Variants in BLTP1 observed in about 807,000 individuals in gnomAD.
BLTP1 encodes the protein bridge-like lipid transfer protein family member 1.
the BLTP1 span, chr4:122,232,164 G>C: frequency 2.1e-6 from 2 of 963,300 alleles, no homozygotes; most frequent in Non-Finnish European, 2.5e-6. Context: ...AGAGTCTGGG[G>C]TTTTTATCTT....
chr4:122,255,925 T>C, the BLTP1 span: 1 of 264,184 alleles, frequency 3.8e-6, no homozygotes, highest in Non-Finnish European at 5.8e-6. Flanking sequence ...AAGCTAAAGG[T>C]ATAAAGAGTT....
chr4:122,289,550 T>G, the BLTP1 span: 1 of 984,456 alleles, frequency 1.0e-6, no homozygotes, highest in African/African-American at 1.7e-5. Flanking sequence ...AGATGATGGC[T>G]ATATGCTGGC....
At chr4:122,220,564 G>T in the BLTP1 span, 1 of 1,052,480 alleles carries the variant, frequency 9.5e-7, no homozygotes, top group Non-Finnish European at 1.4e-6. Context: ...CATGGACTTT[G>T]TAGCTCTTTA....
the BLTP1 span, chr4:122,289,084 C>T: frequency 6.2e-7 from 1 of 1,604,532 alleles, no homozygotes; most frequent in Non-Finnish European, 8.5e-7. Context: ...TTTTGTCTGG[C>T]AGGTTGGTTC....
chr4:122,251,564 T>C, the BLTP1 span: 1 of 984,046 alleles, frequency 1.0e-6, no homozygotes, highest in Non-Finnish European at 1.2e-6. Flanking sequence ...AAAAATACAA[T>C]AGCTACTCAC....
chr4:122,202,637 C>T, the BLTP1 span: 1 of 481,616 alleles, frequency 2.1e-6, no homozygotes, highest in African/African-American at 2.1e-5. Context: ...GTATTTACTC[C>T]TTCACATTAC....
chr4:122,328,201 C>G, the BLTP1 span: 14 of 1,611,304 alleles, frequency 8.7e-6, no homozygotes, highest in African/African-American at 1.9e-4. Context: ...GTGTTCAGTT[C>G]TCCCAAAACT....
At chr4:122,334,910 T>C in the BLTP1 span, among the ~76,000 whole-genome samples, 1 of 152,114 alleles carries the variant, frequency 6.6e-6, no homozygotes. Context: ...ATTACTTCTC[T>C]GTTGTATAAC....
the BLTP1 span, chr4:122,171,708 G>A: frequency 2.2e-6 from 1 of 458,518 alleles, no homozygotes; most frequent in East Asian, 1.6e-4. Context: ...GATGTGGGTA[G>A]GAATATAAGT....
chr4:122,180,307 G>A, the BLTP1 span, among the ~76,000 whole-genome samples: 1 of 151,890 alleles, frequency 6.6e-6, no homozygotes, highest in Non-Finnish European at 1.5e-5. Context: ...ATAAATACTA[G>A]TTTTTTTCTC....
chr4:122,185,729 G>A, the BLTP1 span, among the ~76,000 whole-genome samples: 6 of 151,980 alleles, frequency 3.9e-5, no homozygotes, highest in Admixed American at 6.6e-5. Flanking sequence ...GGGTAAAGGT[G>A]TACTTTTACT....
At chr4:122,204,451 G>A in the BLTP1 span, 2 of 853,734 alleles carry the variant, frequency 2.3e-6, no homozygotes, top group Non-Finnish European at 2.8e-6. Flanking sequence ...CTATCCCTGA[G>A]TTAATAATGA....
chr4:122,209,150 AT>A, the BLTP1 span: 48 of 1,596,098 alleles, frequency 3.0e-5, no homozygotes, highest in African/African-American at 5.8e-4. Flanking sequence ...TATTATAATT[AT>A]TTTTTAGGGA....
the BLTP1 span, among the ~76,000 whole-genome samples, chr4:122,322,437 T>TCA: frequency 8.2e-5 from 7 of 85,838 alleles, no homozygotes; most frequent in Non-Finnish European, 1.5e-4. Flanking sequence ...GCTGTCCACT[T>TCA]TATGTTAGAG....
At chr4:122,226,815 C>T in the BLTP1 span, 2 of 1,609,018 alleles carry the variant, frequency 1.2e-6, no homozygotes, top group Non-Finnish European at 1.7e-6. Context: ...TGGAATTGAT[C>T]GTCGGTTCTG....
the BLTP1 span, chr4:122,350,293 G>A: frequency 1.0e-6 from 1 of 985,240 alleles, no homozygotes; most frequent in Non-Finnish European, 1.2e-6. Flanking sequence ...CCCTGCTGCA[G>A]TGCATCTGCA....
the BLTP1 span, chr4:122,224,576 T>C: frequency 6.2e-7 from 1 of 1,614,018 alleles, no homozygotes; most frequent in Non-Finnish European, 8.5e-7. Flanking sequence ...ACACGCTATG[T>C]TCTCAGCAGA....
chr4:122,301,233 T>A, the BLTP1 span: 3 of 1,433,142 alleles, frequency 2.1e-6, no homozygotes, highest in Admixed American at 3.0e-5. Context: ...GATTTTTTTT[T>A]AATGCACAAA....
chr4:122,254,581 T>C, the BLTP1 span: 1 of 933,978 alleles, frequency 1.1e-6, no homozygotes, highest in Non-Finnish European at 1.3e-6. Flanking sequence ...CTTAGACTTT[T>C]GTTTACTCTT....
Sources: gnomAD v4.1 joint callset for allele counts (sites outside exome capture counted in the v4.1 genomes callset) on GRCh38, gnomAD v4.1.1 for gene constraint, MANE v1.5 for transcripts, NCBI Gene and HGNC (gene_info 2026-07-23, HGNC 2026-07-21) for gene names.